FAM3B: variants seen among roughly 807,000 people sequenced by gnomAD.
FAM3B encodes FAM3 metabolism regulating signaling molecule B.
In FAM3B, 29 loss-of-function variants were observed where a neutral mutation model predicts 28.4. The ratio of observed to expected loss-of-function variants is 1.02; its 90% CI spans 0.76 to 1.39. FAM3B has a LOEUF of 1.39. FAM3B is among the 40% of genes most tolerant of loss of function. The probability of loss-of-function intolerance (pLI) is 0.00; values close to 1 mark genes in which losing one functional copy is unlikely to be tolerated. For missense variants in FAM3B, 266 were observed against 293.9 expected, an observed-to-expected ratio of 0.91 and a Z score of 0.69; for synonymous variants, 91 against 103.0, an observed-to-expected ratio of 0.88 and a Z score of 0.71.
rs1226776684 is a variant in FAM3B, at chr21:41,344,424, G to A, written c.288-52G>A. On this transcript the variant is annotated intron_variant, in intron 3 of 7. Coordinates refer to ENST00000357985, the MANE Select transcript of FAM3B (RefSeq NM_058186.4). ...TGGTCAGGCGAAGACTTCGCGGAGC[G>A]GGGAGAGTCGCACGCCTCTTGGTAC... 2.7e-5 allele frequency: 42 copies of A among 1,536,230 alleles called. 1 individual carries two copies. Among genetic ancestry groups the A allele is most frequent in the East Asian group, 4.5e-5 (2 of 44,438 alleles).
rs534368051 is a variant in FAM3B, at chr21:41,353,719, G to A, written c.619-3389G>A. 2.0e-5 allele frequency among the ~76,000 whole-genome samples: 3 copies of A among 152,252 alleles called. No individual in the cohort carries two copies. The South Asian group carries it at 6.2e-4, about 32-fold the overall frequency. On this transcript the variant is annotated intron_variant, in intron 7 of 7. Transcript: ENST00000357985. ...ACTATTAAACTCTTAGAGGAAAACA[G>A]AGGCATAAATTTTTGTGACTTTGGT...
chr21:41,309,907 C>T (rs1242531826), intron 1 of FAM3B, among the ~76,000 whole-genome samples: 1 of 152,212 alleles, frequency 6.6e-6, no homozygotes, highest in Non-Finnish European at 1.5e-5. Context: ...TGGTGACTTT[C>T]CCTCTTTCAG....
chr21:41,340,657 A>G (rs2088998264), intron 3 of FAM3B, among the ~76,000 whole-genome samples: 2 of 152,146 alleles, frequency 1.3e-5, no homozygotes, highest in Non-Finnish European at 2.9e-5. Context: ...TAGTTATTTT[A>G]CATTGAATTA....
At chr21:41,319,718 T>C (rs4818232) in intron 1 of FAM3B, 35,805 of 152,324 alleles carry the variant, frequency 0.24, 4,778 homozygotes, top group East Asian at 0.59. Flanking sequence ...CCTGCTTTCA[T>C]CCCCAGGACT....
chr21:41,324,383 T>C (rs1436004466), intron 2 of FAM3B, among the ~76,000 whole-genome samples: 5 of 152,156 alleles, frequency 3.3e-5, no homozygotes, highest in African/African-American at 1.2e-4. Context: ...CAGGCTGTGG[T>C]TACACAAGGG....
At chr21:41,318,988 G>A (rs1003303628) in intron 1 of FAM3B, among the ~76,000 whole-genome samples, 1 of 152,188 alleles carries the variant, frequency 6.6e-6, no homozygotes, top group Non-Finnish European at 1.5e-5. Context: ...GAACTTCTAG[G>A]TTCACGAAAT....
At chr21:41,330,422 A>G (rs1394702912) in intron 2 of FAM3B, among the ~76,000 whole-genome samples, 1 of 152,240 alleles carries the variant, frequency 6.6e-6, no homozygotes, top group Non-Finnish European at 1.5e-5. Flanking sequence ...TTGTGGCTTC[A>G]TGCATCCACT....
In FAM3B at chr21:41,348,714, A is replaced by G; in HGVS notation, c.608A>G (p.Gln203Arg). Reference sequence around the variant, plus strand: ...GGCTTGGAACTCCCTTCCGAAATTCAGAGAGAAAAGGTGAGTGGTTTTAAA... The same window carrying G: ...GGCTTGGAACTCCCTTCCGAAATTCGGAGAGAAAAGGTGAGTGGTTTTAAA... ...AKGLELPSEI[Q>R]REKINHSDAK... is the part of the protein sequence containing the mutation. The change falls in exon 7 of 8, where the codon CAG (glutamine) becomes CGG (arginine). Residue 203 changes from glutamine to arginine, a missense_variant. Gln to Arg is a conservative substitution (Grantham distance 43, BLOSUM62 1). Coordinates refer to ENST00000357985, the MANE Select transcript of FAM3B (RefSeq NM_058186.4). 4.3e-6 allele frequency: 7 copies of G among 1,614,248 alleles called. No homozygotes were observed. Among genetic ancestry groups the G allele is most frequent in the Middle Eastern group, 3.3e-4 (2 of 6,062 alleles).
upstream of FAM3B, chr21:41,316,781 G>T: frequency 8.0e-7 from 1 of 1,243,498 alleles, no homozygotes; most frequent in South Asian, 2.0e-5. Context: ...TGCCCGACAC[G>T]ACCGCTGCCC....
Position 41,357,221 on chromosome 21 carries a change from T to C in FAM3B, c.*24T>C, listed in dbSNP as rs1428223986. The C allele has an allele frequency of 2.6e-6, 4 of 1,541,800 alleles. No homozygotes were observed. Among genetic ancestry groups the C allele is most frequent in the Non-Finnish European group, 8.9e-7 (1 of 1,122,890 alleles). ...GACACTGCAGGGTCCTGAGTAAATG[T>C]GTTCTGTATAAACAAATGCAGCTGG... On this transcript the variant is annotated 3_prime_UTR_variant, in exon 8 of 8. Coordinates refer to ENST00000357985, the MANE Select transcript of FAM3B (RefSeq NM_058186.4).
upstream of FAM3B, among the ~76,000 whole-genome samples, chr21:41,315,638 G>A (rs143809354): frequency 7.9e-5 from 12 of 152,246 alleles, no homozygotes; most frequent in Middle Eastern, 3.4e-3. Flanking sequence ...CAGGCCCAAC[G>A]CTGGCATGAT....
intron 7 of FAM3B, among the ~76,000 whole-genome samples, chr21:41,349,746 T>C (rs1263943106): frequency 6.6e-6 from 1 of 152,174 alleles, no homozygotes; most frequent in African/African-American, 2.4e-5. Context: ...TTGGAACTGG[T>C]TCCCAGGAAA....
intron 1 of FAM3B, among the ~76,000 whole-genome samples, chr21:41,304,471 GCTGCGCGTGCA>G (rs1314892800): frequency 4.6e-5 from 7 of 152,204 alleles, no homozygotes; most frequent in Non-Finnish European, 7.4e-5. Flanking sequence ...TCCCGTTGCG[GCTGCGCGTGCA>G]GTCGCAGACA....
chr21:41,336,219 C>A (rs2088953899), intron 2 of FAM3B, among the ~76,000 whole-genome samples: 1 of 152,142 alleles, frequency 6.6e-6, no homozygotes, highest in African/African-American at 2.4e-5. Flanking sequence ...GATTTCCCAG[C>A]CTCTAGAAGT....
rs1442291853 is a variant in FAM3B, at chr21:41,357,344, A to G, written c.*147A>G. 1 of 444,178 alleles carries G rather than the reference A, an allele frequency of 2.3e-6. No individual in the cohort carries two copies. Among genetic ancestry groups the G allele is most frequent in the Non-Finnish European group, 4.1e-6 (1 of 243,710 alleles). 27.5% of individuals were successfully genotyped at this position (444,178 alleles called of 1,614,324 possible). On this transcript the variant is annotated 3_prime_UTR_variant, in exon 8 of 8. Transcript: ENST00000357985. ...CAATGAACATTTGCTAGTTGTATCA[A>G]ATCTTGGTACGCAGTATTTTTATAC... is the stretch of plus-strand genomic sequence containing the variant.
chr21:41,316,696 A>C (rs2123689200), upstream of FAM3B: 4 of 423,882 alleles, frequency 9.4e-6, no homozygotes, highest in Non-Finnish European at 1.2e-5. Context: ...TGCCCCGCCC[A>C]CGCCCGCCCC....
upstream of FAM3B, among the ~76,000 whole-genome samples, chr21:41,312,722 AGTGT>A (rs10580404): frequency 0.15 from 22,218 of 148,226 alleles, 1,883 homozygotes; most frequent in Admixed American, 0.22. Context: ...TGTGTGTGAG[AGTGT>A]GTGTGTGTGT....
chr21:41,318,383 A>T (rs2088768991), intron 1 of FAM3B, among the ~76,000 whole-genome samples: 1 of 152,162 alleles, frequency 6.6e-6, no homozygotes, highest in Non-Finnish European at 1.5e-5. Context: ...AGCTGCCGCC[A>T]TGCCTTCGCC....
intron 3 of FAM3B, among the ~76,000 whole-genome samples, chr21:41,339,969 C>T (rs1207183686): frequency 6.6e-6 from 1 of 152,044 alleles, no homozygotes; most frequent in African/African-American, 2.4e-5. Flanking sequence ...AGCCTCAGAA[C>T]CAGAGAGGCA....
Sources: gnomAD v4.1 joint callset for allele counts (sites outside exome capture counted in the v4.1 genomes callset) on GRCh38, gnomAD v4.1.1 for gene constraint, MANE v1.5 for transcripts, NCBI Gene and HGNC (gene_info 2026-07-23, HGNC 2026-07-21) for gene names.